The following FILIP1L variants were observed in gnomAD, a reference collection of about 807,000 sequenced individuals.
The protein encoded by FILIP1L is filamin A-interacting protein 1-like.
FILIP1L carries 55 observed loss-of-function variants against 96.6 expected under a neutral mutation model. The observed-to-expected ratio is 0.57, with a 90% CI of 0.46 to 0.71. FILIP1L has a LOEUF of 0.71. Among genes scored for constraint, FILIP1L ranks in the 30% least tolerant of loss-of-function variants. The probability of loss-of-function intolerance (pLI) is 0.00; values close to 1 mark genes in which losing one functional copy is unlikely to be tolerated. For missense variants in FILIP1L, 1,304 were observed against 1,321.2 expected, an observed-to-expected ratio of 0.99 and a Z score of 0.20; for synonymous variants, 467 against 473.9, an observed-to-expected ratio of 0.99 and a Z score of 0.19.
chr3:100,049,240 CT>C (rs1439255763), intron 1 of FILIP1L, among the ~76,000 whole-genome samples: 1 of 152,152 alleles, frequency 6.6e-6, no homozygotes, highest in Non-Finnish European at 1.5e-5. Flanking sequence ...AACAAATAAA[CT>C]GTTCTCTTGT....
chr3:100,009,824 C>T (rs1290101630), intron 1 of FILIP1L, among the ~76,000 whole-genome samples: 1 of 152,164 alleles, frequency 6.6e-6, no homozygotes, highest in African/African-American at 2.4e-5. Context: ...TTAGCTGTAG[C>T]CCTTATATGT....
intron 5 of FILIP1L, among the ~76,000 whole-genome samples, chr3:99,842,267 AGGAGGAGCTAAGCT>A (rs1232424802): frequency 6.6e-6 from 1 of 152,192 alleles, no homozygotes; most frequent in African/African-American, 2.4e-5. Flanking sequence ...CTCACTCATA[AGGAGGAGCTAAGCT>A]ATGAGGACAC....
At chr3:99,837,967 A>G (rs960213010) in intron 5 of FILIP1L, among the ~76,000 whole-genome samples, 1 of 152,168 alleles carries the variant, frequency 6.6e-6, no homozygotes, top group Non-Finnish European at 1.5e-5. Flanking sequence ...TCAGATGTGC[A>G]TGGTTGTGAT....
In FILIP1L at chr3:99,848,343, A is replaced by G. The variant is rs1218010459; in HGVS notation, c.3333T>C (p.Ile1111=). ...NKTTNKVTSS[I]TITPTATPLP... ...GAGGTGTGGCTGTTGGTGTGATAGT[A>G]ATACTGCTGGTGACTTTATTGGTTG... Residue 1111 remains isoleucine (I), a synonymous_variant, in exon 5 of 6, where the codon ATT becomes ATC. Coordinates refer to ENST00000477258, the MANE Select transcript of FILIP1L (RefSeq NM_001387850.1). 6.2e-7 allele frequency: 1 copy of G among 1,614,160 alleles called. No individual in the cohort carries two copies. The highest frequency in any genetic ancestry group is 1.1e-5 in the South Asian group (1 of 91,086).
At chr3:100,092,453 G>C (rs1411406912) in intron 1 of FILIP1L, among the ~76,000 whole-genome samples, 3 of 151,852 alleles carry the variant, frequency 2.0e-5, no homozygotes, top group Non-Finnish European at 4.4e-5. Flanking sequence ...AAGCCAATAT[G>C]AATGTAGTTG....
chr3:100,054,700 C>G (rs1468094079), intron 1 of FILIP1L, among the ~76,000 whole-genome samples: 2 of 152,118 alleles, frequency 1.3e-5, no homozygotes. Context: ...GATTTCCCTT[C>G]CCTCTGGGCT....
chr3:100,091,359 A>G (rs1489022611), intron 1 of FILIP1L, among the ~76,000 whole-genome samples: 1 of 152,132 alleles, frequency 6.6e-6, no homozygotes, highest in Non-Finnish European at 1.5e-5. Context: ...ATGTATGTTC[A>G]CCTTCTTCTT....
chr3:100,065,977 C>G (rs1262380335), intron 1 of FILIP1L, among the ~76,000 whole-genome samples: 2 of 152,188 alleles, frequency 1.3e-5, no homozygotes, highest in Non-Finnish European at 2.9e-5. Flanking sequence ...ATCAGAAACT[C>G]TGGGAATGCG....
Position 99,848,491 on chromosome 3 carries a change from A to G in FILIP1L, c.3185T>C (p.Ile1062Thr). ...SSVITTEDNKIHIHLGSPYMQ... is the reference protein window; with the variant it reads ...SSVITTEDNKTHIHLGSPYMQ... ...GTAAGGACTTCCTAAGTGAATGTGG[A>G]TTTTATTATCCTCAGTAGTTATCAC... The change falls in exon 5 of 6, where the codon ATC becomes ACC. Residue 1062 changes from isoleucine to threonine, a missense_variant. Physicochemically the swap from Ile to Thr is moderately conservative, Grantham distance 89 (BLOSUM62 -1). Coordinates refer to ENST00000477258, the MANE Select transcript of FILIP1L (RefSeq NM_001387850.1). 4 of 1,614,060 alleles carry G rather than the reference A, an allele frequency of 2.5e-6. No individual in the cohort carries two copies. The highest frequency in any genetic ancestry group is 3.4e-6 in the Non-Finnish European group (4 of 1,179,990).
intron 1 of FILIP1L, among the ~76,000 whole-genome samples, chr3:100,112,842 T>C (rs1024179430): frequency 2.0e-5 from 3 of 152,238 alleles, no homozygotes; most frequent in African/African-American, 7.2e-5. Context: ...TTAAGCATAA[T>C]GAGAGTTTCA....
chr3:100,091,146 A>G (rs546554204), intron 1 of FILIP1L, among the ~76,000 whole-genome samples: 13,840 of 150,938 alleles, frequency 0.092, 766 homozygotes, highest in African/African-American at 0.14. Flanking sequence ...TTAGCTGGGC[A>G]TGGTGGCGGG....
intron 1 of FILIP1L, among the ~76,000 whole-genome samples, chr3:99,935,286 T>C (rs1323940640): frequency 6.6e-6 from 1 of 150,718 alleles, no homozygotes; most frequent in Non-Finnish European, 1.5e-5. Context: ...AAAGGAAAGT[T>C]GCTTTTTGTG....
chr3:99,858,841 C>T (rs1415715589), intron 4 of FILIP1L, among the ~76,000 whole-genome samples: 13 of 152,222 alleles, frequency 8.5e-5, no homozygotes, highest in Non-Finnish European at 1.9e-4. Context: ...ACATCAGTGG[C>T]AAATTTGTCT....
At chr3:100,020,663 T>C (rs1576646505) in intron 1 of FILIP1L, among the ~76,000 whole-genome samples, 1 of 152,272 alleles carries the variant, frequency 6.6e-6, no homozygotes. Context: ...TTAAAAAGTG[T>C]TTATTTTTAG....
intron 1 of FILIP1L, among the ~76,000 whole-genome samples, chr3:99,963,626 T>C (rs2107706481): frequency 6.6e-6 from 1 of 152,272 alleles, no homozygotes; most frequent in African/African-American, 2.4e-5. Flanking sequence ...TTTTTCTTTT[T>C]TTTTAGACGG....
At chr3:99,857,736 T>TA (rs1944039073) in intron 4 of FILIP1L, among the ~76,000 whole-genome samples, 1 of 152,226 alleles carries the variant, frequency 6.6e-6, no homozygotes, top group Non-Finnish European at 1.5e-5. Context: ...TTGTTTCTAT[T>TA]AGTTTCAGAA....
At position 99,850,227 on chromosome 3, in the gene FILIP1L, T is replaced by C; in HGVS notation, c.1449A>G (p.Glu483=). 6.2e-7 allele frequency: 1 copy of C among 1,613,638 alleles called. No individual in the cohort carries two copies. The highest frequency in any genetic ancestry group is 8.5e-7 in the Non-Finnish European group (1 of 1,180,004). ...EAIESRLEKT[E]FTLKEDLTKL... Reference sequence around the variant, plus strand: ...TAGTTAAATCCTCTTTTAGAGTGAATTCTGTCTTTTCTAGCCGACTTTCAA... The same window carrying C: ...TAGTTAAATCCTCTTTTAGAGTGAACTCTGTCTTTTCTAGCCGACTTTCAA... The change falls in exon 5 of 6, where the codon GAA becomes GAG. Residue 483 remains glutamate (E), a synonymous_variant. Transcript: ENST00000477258.
chr3:99,875,498 T>C (rs189135782), intron 4 of FILIP1L, among the ~76,000 whole-genome samples: 14 of 152,332 alleles, frequency 9.2e-5, no homozygotes, highest in Non-Finnish European at 1.8e-4. Flanking sequence ...CTTGTACAAA[T>C]TGACATATGC....
At chr3:100,079,162 T>G (rs1157758559) in intron 1 of FILIP1L, among the ~76,000 whole-genome samples, 1 of 152,190 alleles carries the variant, frequency 6.6e-6, no homozygotes, top group Non-Finnish European at 1.5e-5. Flanking sequence ...TTTTACAGTC[T>G]TTACAGCATG....
Sources: allele counts gnomAD v4.1 joint callset (sites outside exome capture counted in the v4.1 genomes callset), GRCh38; gene constraint gnomAD v4.1.1; transcripts MANE v1.5; gene names NCBI Gene and HGNC (gene_info 2026-07-23, HGNC 2026-07-21).